The following ARHGAP26 variants were observed in gnomAD, a reference collection of about 807,000 sequenced individuals.
ARHGAP26 encodes the protein Rho GTPase activating protein 26, also known as rho GTPase-activating protein 26.
In ARHGAP26, 38 loss-of-function variants were observed where a neutral mutation model predicts 104.8. The ratio of observed to expected loss-of-function variants is 0.36; its 90% confidence interval spans 0.28 to 0.48. The LOEUF (loss-of-function observed/expected upper bound fraction) is 0.48. Among genes scored for constraint, ARHGAP26 ranks in the 20% least tolerant of loss-of-function variants. ARHGAP26 has a pLI of 0.99. For synonymous variants in ARHGAP26, 341 were observed against 340.0 expected (o/e 1.00, Z -0.03); for missense variants, 704 against 947.9 (o/e 0.74, Z 3.38).
chr5:143,154,160 T>TAA (rs10650559), intron 20 of ARHGAP26, among the ~76,000 whole-genome samples: 15 of 142,522 alleles, frequency 1.1e-4, no homozygotes, highest in African/African-American at 3.4e-4. Context: ...TTAAAAATAT[T>TAA]AAAAAAAAAA....
chr5:143,076,159 ATT>A (rs368079758), intron 17 of ARHGAP26, among the ~76,000 whole-genome samples: 6,025 of 109,832 alleles, frequency 0.055, 379 homozygotes, highest in East Asian at 0.45. Flanking sequence ...GACCTGGCTA[ATT>A]TTTTTTTTTT....
intron 17 of ARHGAP26, among the ~76,000 whole-genome samples, chr5:143,065,094 G>T (rs1263003432): frequency 6.6e-6 from 1 of 152,144 alleles, no homozygotes; most frequent in Non-Finnish European, 1.5e-5. Context: ...AAGACACTCT[G>T]TTTTTCTTAC....
intron 1 of ARHGAP26, among the ~76,000 whole-genome samples, chr5:142,867,488 C>A (rs369745291): frequency 3.3e-5 from 5 of 152,228 alleles, no homozygotes; most frequent in East Asian, 1.9e-4. Flanking sequence ...ATGCCTCTCT[C>A]CAAGCACAGT....
In ARHGAP26 at chr5:142,775,637, CT is replaced by C. The variant is rs202196051; in HGVS notation, c.154+4725del. Among the ~76,000 whole-genome samples the C allele has an allele frequency of 6.1e-3, 932 of 152,298 alleles. 14 individuals are homozygous for C. Among genetic ancestry groups the C allele is most frequent in the African/African-American group, 0.02 (833 of 41,566 alleles). The stretch of plus-strand genomic sequence containing the variant: ...GTTCCCATTAAACAATAACTCCCCA[CT>C]TTCCCCTCCCCCAACCCTAGTAACC... On this transcript the variant is annotated intron_variant, in intron 1 of 22. Transcript: ENST00000645722.
At chr5:143,057,552 T>G (rs1282743647) in intron 16 of ARHGAP26, 90 bp from the exon 17 acceptor site, 6 of 1,001,198 alleles carry the variant, frequency 6.0e-6, no homozygotes, top group Non-Finnish European at 4.6e-6. Flanking sequence ...GGGCTGTTAG[T>G]GCTCATCCTT....
intron 11 of ARHGAP26, chr5:143,010,668 T>C (rs1225415805): frequency 6.6e-6 from 1 of 152,200 alleles, no homozygotes; most frequent in Non-Finnish European, 1.5e-5. Context: ...TCTGGTGCCT[T>C]TGACTCATTG....
intron 4 of ARHGAP26, among the ~76,000 whole-genome samples, 160 bp downstream of exon 4, chr5:142,879,605 G>A (rs1201507625): frequency 3.3e-5 from 5 of 152,182 alleles, no homozygotes; most frequent in Admixed American, 6.5e-5. Flanking sequence ...CCAACTCATC[G>A]GTTCTTTACG....
intron 11 of ARHGAP26, chr5:143,010,622 A>T (rs1235440113): frequency 2.6e-5 from 4 of 152,232 alleles, no homozygotes; most frequent in Non-Finnish European, 5.9e-5. Context: ...ACAGAGATTA[A>T]CAGCCTGGCC....
intron 20 of ARHGAP26, among the ~76,000 whole-genome samples, chr5:143,201,478 G>A (rs1178545141): frequency 6.6e-6 from 1 of 152,194 alleles, no homozygotes; most frequent in Non-Finnish European, 1.5e-5. Context: ...TTTGAAATTT[G>A]TCTGTTTTGT....
chr5:143,189,896 A>G (rs1323849440), intron 20 of ARHGAP26, among the ~76,000 whole-genome samples: 2 of 152,134 alleles, frequency 1.3e-5, no homozygotes, highest in East Asian at 1.9e-4. Flanking sequence ...TGTGCCTAGC[A>G]TGTACTAGGT....
intron 1 of ARHGAP26, among the ~76,000 whole-genome samples, chr5:142,778,136 A>G (rs1374466239): frequency 6.6e-6 from 1 of 152,250 alleles, no homozygotes; most frequent in Non-Finnish European, 1.5e-5. Flanking sequence ...CATATGGGCT[A>G]TGAGAGAAAA....
intron 17 of ARHGAP26, among the ~76,000 whole-genome samples, chr5:143,090,257 C>T (rs760930495): frequency 2.6e-5 from 4 of 152,226 alleles, no homozygotes; most frequent in Non-Finnish European, 5.9e-5. Context: ...AGCCCATGCC[C>T]GGTTGACTGG....
chr5:142,849,093 T>C (rs1751017385), intron 1 of ARHGAP26, among the ~76,000 whole-genome samples: 1 of 152,250 alleles, frequency 6.6e-6, no homozygotes, highest in Admixed American at 6.5e-5. Flanking sequence ...CAAATGTGTT[T>C]ATTACCCTCT....
intron 1 of ARHGAP26, among the ~76,000 whole-genome samples, chr5:142,850,096 C>G (rs2152255083): frequency 6.6e-6 from 1 of 152,334 alleles, no homozygotes; most frequent in East Asian, 1.9e-4. Context: ...GCCTCATGCC[C>G]TCATTGTGTT....
chr5:142,850,151 A>G (rs563029632), intron 1 of ARHGAP26, among the ~76,000 whole-genome samples: 18 of 152,192 alleles, frequency 1.2e-4, no homozygotes, highest in African/African-American at 3.9e-4. Context: ...TGCTCTGCCT[A>G]TGGCTTGTCC....
rs368528114 is a variant in ARHGAP26, at chr5:142,879,414, A to G, written c.353A>G (p.Lys118Arg). 3 of 1,613,874 alleles carry G rather than the reference A, an allele frequency of 1.9e-6. No individual in the cohort carries two copies. The African/African-American group carries it at 4.0e-5, about 22-fold the overall frequency. Residue 118 changes from lysine (K) to arginine (R), a missense_variant, in exon 4 of 23, where the codon AAG becomes AGG. Lys to Arg is a conservative substitution (Grantham distance 26). Coordinates refer to ENST00000645722, the MANE Select transcript of ARHGAP26 (RefSeq NM_001135608.3). Reference protein sequence around the residue: ...ASEVLITPLEKFRKEQIGAAK... With the variant: ...ASEVLITPLERFRKEQIGAAK... The stretch of plus-strand genomic sequence containing the variant: ...GAGGTGCTCATCACTCCCTTGGAGA[A>G]GTTTCGAAAGGAACAGATCGGGGCT...
chr5:142,832,007 C>G (rs1486794060), intron 1 of ARHGAP26, among the ~76,000 whole-genome samples: 2 of 152,158 alleles, frequency 1.3e-5, no homozygotes, highest in African/African-American at 4.8e-5. Flanking sequence ...ATATCCACCC[C>G]CAAATCTTCC....
At chr5:143,173,543 G>C (rs1803074385) in intron 20 of ARHGAP26, among the ~76,000 whole-genome samples, 1 of 152,160 alleles carries the variant, frequency 6.6e-6, no homozygotes, top group Non-Finnish European at 1.5e-5. Context: ...CCGAATTCAG[G>C]CACTTCGCTT....
intron 11 of ARHGAP26, among the ~76,000 whole-genome samples, chr5:142,966,771 C>A (rs936687925): frequency 2.0e-4 from 31 of 152,128 alleles, no homozygotes; most frequent in African/African-American, 7.5e-4. Flanking sequence ...ATGTGCAGAA[C>A]GTGCAGGTTT....
Sources: allele counts gnomAD v4.1 joint callset (sites outside exome capture counted in the v4.1 genomes callset), GRCh38; gene constraint gnomAD v4.1.1; transcripts MANE v1.5; gene names NCBI Gene and HGNC (gene_info 2026-07-23, HGNC 2026-07-21).